Variants in NRXN3 observed in about 807,000 individuals in gnomAD.
The protein encoded by NRXN3 is neurexin III.
Under a neutral mutation model 137.6 loss-of-function variants are expected in NRXN3, and 32 were observed. The observed-to-expected ratio is 0.23, with a 90% CI of 0.18 to 0.31. The LOEUF is 0.31. NRXN3 is among the 10% of genes least tolerant of loss of function. The pLI is 1.00. For missense variants in NRXN3, 1,574 were observed against 2,062.5 expected (o/e 0.76, Z 4.59); for synonymous variants, 798 against 784.5 (o/e 1.02, Z -0.29).
intron 8 of NRXN3, among the ~76,000 whole-genome samples, chr14:78,754,996 A>G (rs181309598): frequency 6.6e-6 from 1 of 152,042 alleles, no homozygotes; most frequent in East Asian, 1.9e-4. Flanking sequence ...AAGGCAGCAA[A>G]GTTACATTGT....
chr14:78,396,897 T>A (rs577847224), intron 4 of NRXN3, among the ~76,000 whole-genome samples: 1 of 152,180 alleles, frequency 6.6e-6, no homozygotes, highest in Non-Finnish European at 1.5e-5. Flanking sequence ...GAGATCAGGG[T>A]GCCGGGTGGT....
At chr14:78,924,147 G>C (rs1191010241) in intron 10 of NRXN3, among the ~76,000 whole-genome samples, 1 of 152,236 alleles carries the variant, frequency 6.6e-6, no homozygotes, top group East Asian at 1.9e-4. Context: ...TACTTGGGAG[G>C]CTGAGGCAGG....
intron 16 of NRXN3, chr14:79,572,865 G>A (rs1249244324): frequency 2.6e-5 from 4 of 152,116 alleles, no homozygotes; most frequent in Admixed American, 1.3e-4. Flanking sequence ...ATGAGGTATC[G>A]CCTTTGCAAC....
intron 16 of NRXN3, among the ~76,000 whole-genome samples, chr14:79,638,479 C>G (rs556002854): frequency 6.6e-6 from 1 of 152,262 alleles, no homozygotes; most frequent in East Asian, 1.9e-4. Context: ...TCAGGTCTGT[C>G]AAACTGTAAT....
chr14:79,381,335 G>A (rs1398816015), intron 15 of NRXN3, among the ~76,000 whole-genome samples: 1 of 152,000 alleles, frequency 6.6e-6, no homozygotes, highest in Non-Finnish European at 1.5e-5. Context: ...ATGCCTGTGG[G>A]ACATAATATC....
At chr14:78,976,712 ATTG>A (rs2099468000) in intron 14 of NRXN3, among the ~76,000 whole-genome samples, 1 of 152,160 alleles carries the variant, frequency 6.6e-6, no homozygotes, top group Non-Finnish European at 1.5e-5. Flanking sequence ...ACTTCCCATT[ATTG>A]TTCTTGTGTC....
rs151197180 is a variant in NRXN3, at chr14:78,702,451, C to CTTTTCTTTTTTTTTTTTTTTTTTT, written c.1222-6764_1222-6763insTTCTTTTTTTTTTTTTTTTTTTTT. Among the ~76,000 whole-genome samples, 44 of 122,690 alleles carry CTTTTCTTTTTTTTTTTTTTTTTTT rather than the reference C, an allele frequency of 3.6e-4. 3 individuals carry two copies. The highest frequency in any genetic ancestry group is 4.6e-4 in the African/African-American group (15 of 32,808). 80.5% of individuals were successfully genotyped at this position (122,690 alleles called of 152,430 possible). Reference sequence around the variant, plus strand: ...AAGAGAGAATCTTTCTTTTTCTTTTCTTATTTTTTTTGAGATGGAGTCTCA... The same window carrying CTTTTCTTTTTTTTTTTTTTTTTTT: ...AAGAGAGAATCTTTCTTTTTCTTTTCTTTTCTTTTTTTTTTTTTTTTTTTTTATTTTTTTTGAGATGGAGTCTCA... On this transcript the variant is annotated intron_variant, in intron 6 of 20. Transcript: ENST00000335750.
At chr14:79,569,805 T>C (rs1178372953) in intron 16 of NRXN3, among the ~76,000 whole-genome samples, 2 of 152,088 alleles carry the variant, frequency 1.3e-5, no homozygotes, top group African/African-American at 2.4e-5. Context: ...GACCGGGTTT[T>C]GCCATGTTGG....
intron 16 of NRXN3, among the ~76,000 whole-genome samples, chr14:79,495,883 G>A (rs1257266120): frequency 1.3e-5 from 2 of 151,042 alleles, no homozygotes; most frequent in African/African-American, 4.9e-5. Context: ...TAAACCCAGT[G>A]ATCAAAGTCG....
intron 10 of NRXN3, among the ~76,000 whole-genome samples, chr14:78,831,554 A>C (rs1446902557): frequency 3.3e-5 from 5 of 151,092 alleles, no homozygotes; most frequent in African/African-American, 4.9e-5. Context: ...AAAAAAAAAA[A>C]AAAAAAACAA....
intron 15 of NRXN3, among the ~76,000 whole-genome samples, chr14:79,176,320 A>G (rs545045524): frequency 2.0e-5 from 3 of 152,306 alleles, no homozygotes; most frequent in African/African-American, 7.2e-5. Flanking sequence ...TGTAAACCTG[A>G]AAGTGTGCTT....
At chr14:78,933,068 C>G (rs2099326783) in intron 10 of NRXN3, among the ~76,000 whole-genome samples, 1 of 152,106 alleles carries the variant, frequency 6.6e-6, no homozygotes, top group Non-Finnish European at 1.5e-5. Context: ...CCTTCATGAG[C>G]TGATGATGCC....
chr14:79,601,040 C>CTTTTTTTTTTTTTTTT (rs36044631), intron 16 of NRXN3, among the ~76,000 whole-genome samples: 1 of 93,424 alleles, frequency 1.1e-5, no homozygotes, highest in African/African-American at 4.6e-5. Flanking sequence ...TCTTTGTTGC[C>CTTTTTTTTTTTTTTTT]TTTTTTTTTT....
At chr14:79,572,816 T>A (rs992745896) in intron 16 of NRXN3, 2 of 152,208 alleles carry the variant, frequency 1.3e-5, no homozygotes, top group Non-Finnish European at 2.9e-5. Context: ...TGAATTGTTA[T>A]GTTGATTGGA....
chr14:79,432,898 G>A (rs549449379), intron 15 of NRXN3, among the ~76,000 whole-genome samples: 12 of 152,296 alleles, frequency 7.9e-5, no homozygotes, highest in Non-Finnish European at 8.8e-5. Context: ...ATTTCACACT[G>A]CAGTAAATGT....
intron 1 of NRXN3, among the ~76,000 whole-genome samples, chr14:78,191,749 G>A (rs924180345): frequency 1.3e-5 from 2 of 152,150 alleles, no homozygotes; most frequent in Non-Finnish European, 2.9e-5. Context: ...AAATGATGGG[G>A]GAACCAAGCA....
intron 19 of NRXN3, among the ~76,000 whole-genome samples, chr14:79,740,730 A>ATATATATATATTT (rs2098959536): frequency 3.3e-5 from 1 of 30,304 alleles, no homozygotes; most frequent in Admixed American, 2.4e-4. Flanking sequence ...ATATATATAT[A>ATATATATATATTT]TATATATATA....
intron 4 of NRXN3, among the ~76,000 whole-genome samples, chr14:78,413,033 A>G (rs1173040315): frequency 6.6e-6 from 1 of 152,188 alleles, no homozygotes; most frequent in Non-Finnish European, 1.5e-5. Flanking sequence ...TTGTCTTCTT[A>G]CCTTTGCTTG....
At chr14:79,802,558 G>T in intron 19 of NRXN3, among the ~76,000 whole-genome samples, 1 of 152,066 alleles carries the variant, frequency 6.6e-6, no homozygotes, top group East Asian at 1.9e-4. Context: ...TCCTGCCTTT[G>T]GTGGGAGACA....
Sources: gnomAD v4.1 joint callset for allele counts (sites outside exome capture counted in the v4.1 genomes callset) on GRCh38, gnomAD v4.1.1 for gene constraint, MANE v1.5 for transcripts, NCBI Gene and HGNC (gene_info 2026-07-23, HGNC 2026-07-21) for gene names.